Variants in RYR3 observed in about 807,000 individuals in gnomAD.
The protein encoded by RYR3 is brain ryanodine receptor-calcium release channel.
RYR3 carries 207 observed loss-of-function variants against 584.3 expected under a neutral mutation model. The observed-to-expected ratio is 0.35, with a 90% confidence interval of 0.32 to 0.40. The LOEUF is 0.40. RYR3 is among the 10% of genes least tolerant of loss of function. The probability of loss-of-function intolerance (pLI) is 1.00; values close to 1 mark genes in which losing one functional copy is unlikely to be tolerated. For missense variants in RYR3, 5,616 were observed against 6,089.2 expected (o/e 0.92, Z 2.59); for synonymous variants, 2,416 against 2,248.5 (o/e 1.07, Z -2.11).
intron 24 of RYR3, among the ~76,000 whole-genome samples, chr15:33,633,624 A>C (rs2061366971): frequency 6.6e-6 from 1 of 152,214 alleles, no homozygotes; most frequent in African/African-American, 2.4e-5. Flanking sequence ...TAGTTAATTC[A>C]TACCGGAGCC....
At chr15:33,687,933 A>C (rs1178555404) in intron 38 of RYR3, among the ~76,000 whole-genome samples, 1 of 152,216 alleles carries the variant, frequency 6.6e-6, no homozygotes, top group East Asian at 1.9e-4. Context: ...TAAAGACTTA[A>C]ATGTTAGACC....
chr15:33,570,207 C>T (rs145549164), intron 12 of RYR3, among the ~76,000 whole-genome samples: 5 of 152,166 alleles, frequency 3.3e-5, no homozygotes, highest in East Asian at 3.9e-4. Context: ...AAAATTTTAG[C>T]GTTTACATTT....
At chr15:33,660,019 C>T (rs773144998) in intron 33 of RYR3, among the ~76,000 whole-genome samples, 178 bp from the exon 34 acceptor site, 12 of 152,140 alleles carry the variant, frequency 7.9e-5, no homozygotes, top group Non-Finnish European at 1.8e-4. Flanking sequence ...CTGAAAGAAT[C>T]AATTAATGCT....
At chr15:33,756,535 T>G (rs2071851730) in intron 59 of RYR3, among the ~76,000 whole-genome samples, 162 bp downstream of exon 59, 1 of 148,900 alleles carries the variant, frequency 6.7e-6, no homozygotes, top group Non-Finnish European at 1.5e-5. Context: ...AGGCTGGCAG[T>G]CCAAGGAGGG....
intron 1 of RYR3, among the ~76,000 whole-genome samples, chr15:33,440,615 G>A (rs2046138949): frequency 6.6e-6 from 1 of 152,132 alleles, no homozygotes; most frequent in Non-Finnish European, 1.5e-5. Context: ...AATGTCAGTA[G>A]CGCTAACTTT....
intron 94 of RYR3, 92 bp from the exon 95 acceptor site, chr15:33,852,953 C>A: frequency 4.5e-6 from 5 of 1,106,276 alleles, no homozygotes; most frequent in African/African-American, 3.1e-5. Context: ...CCAGAAAGAT[C>A]CCAGATCCAG....
chr15:33,811,069 A>C, intron 72 of RYR3, 32 bp downstream of exon 72: 1 of 1,581,872 alleles, frequency 6.3e-7, no homozygotes, highest in Non-Finnish European at 8.6e-7. Context: ...GAGAACTCAC[A>C]CCGGCTTTCC....
At chr15:33,810,177 T>A (rs1225470617) in intron 70 of RYR3, among the ~76,000 whole-genome samples, 1 of 152,218 alleles carries the variant, frequency 6.6e-6, no homozygotes, top group Admixed American at 6.5e-5. Context: ...ATCATTCTTT[T>A]TGTAGAACAC....
At chr15:33,826,167 C>G (rs1560317) in intron 82 of RYR3, 85 bp from the exon 83 acceptor site, 74,043 of 1,336,276 alleles carry the variant, frequency 0.055, 2,265 homozygotes, top group Non-Finnish European at 0.06. Flanking sequence ...GATGTGTTCA[C>G]ATAGCCAGTT....
In RYR3 at chr15:33,603,136, A is replaced by G. The variant is rs1484335858; in HGVS notation, c.1936A>G (p.Ile646Val). 6.2e-7 allele frequency: 1 copy of G among 1,613,778 alleles called. No individual in the cohort carries two copies. Among genetic ancestry groups the G allele is most frequent in the South Asian group, 1.1e-5 (1 of 91,062 alleles). Reference sequence around the variant, plus strand: ...GTTTACTTTCAGTATCCGGCCAAACATCTTCCTGGGAGTCGCGGAGGGCTC... The same window carrying G: ...GTTTACTTTCAGTATCCGGCCAAACGTCTTCCTGGGAGTCGCGGAGGGCTC... The part of the protein sequence containing the change: ...INDVTSIRPN[I>V]FLGVAEGSAQ... Residue 646 changes from isoleucine to valine, a missense_variant, in exon 18 of 104, where the codon ATC (isoleucine) becomes GTC (valine). This residue lies in a region of RYR3 where 1,284 missense variants were observed against 1,344.6 expected (regional missense o/e 0.95). Transcript: ENST00000634891.
At chr15:33,620,367 A>G (rs935391124) in intron 19 of RYR3, among the ~76,000 whole-genome samples, 1 of 152,086 alleles carries the variant, frequency 6.6e-6, no homozygotes, top group Admixed American at 6.5e-5. Context: ...GTTCTCTCCA[A>G]AGGAATTCTT....
chr15:33,552,062 C>A (rs2056719922), intron 10 of RYR3, among the ~76,000 whole-genome samples: 1 of 152,178 alleles, frequency 6.6e-6, no homozygotes, highest in Non-Finnish European at 1.5e-5. Flanking sequence ...TTCTCCTTGA[C>A]CCACTCGGGA....
At chr15:33,828,004 A>G (rs1010153855) in intron 85 of RYR3, among the ~76,000 whole-genome samples, 1 of 152,222 alleles carries the variant, frequency 6.6e-6, no homozygotes, top group Non-Finnish European at 1.5e-5. Context: ...ACCCTGCATC[A>G]AGCAAGTCTA....
chr15:33,611,698 G>A (rs367964978), intron 18 of RYR3, among the ~76,000 whole-genome samples: 49 of 151,810 alleles, frequency 3.2e-4, no homozygotes, highest in African/African-American at 8.4e-4. Context: ...TCATTCTGTC[G>A]CCCAGGCTGG....
At chr15:33,664,587 GTGTATATATA>G (rs2063368995) in intron 36 of RYR3, among the ~76,000 whole-genome samples, 1 of 42,626 alleles carries the variant, frequency 2.3e-5, no homozygotes, top group African/African-American at 7.4e-5. Context: ...GTGTGTGTGT[GTGTATATATA>G]TATATATATA....
At chr15:33,683,902 C>T (rs1332949452) in intron 38 of RYR3, among the ~76,000 whole-genome samples, 5 of 152,212 alleles carry the variant, frequency 3.3e-5, no homozygotes, top group African/African-American at 1.2e-4. Flanking sequence ...AGTCTGAGAT[C>T]GAATTGCAAG....
chr15:33,543,720 G>T lies in RYR3; in HGVS notation c.740+5G>T. The T allele has an allele frequency of 6.4e-7, 1 of 1,565,462 alleles. No individual in the cohort carries two copies. The highest frequency in any genetic ancestry group is 1.4e-5 in the African/African-American group (1 of 74,036). On this transcript the variant is annotated splice_donor_5th_base_variant and intron_variant, in intron 8 of 103. Transcript: ENST00000634891. ...CCAGAATGATTCCCAGCACAGGTAAGTCAGTAGCTGCATTCTTCCACTAGC... is the reference window on the plus strand; with the variant it reads ...CCAGAATGATTCCCAGCACAGGTAATTCAGTAGCTGCATTCTTCCACTAGC...
intron 10 of RYR3, among the ~76,000 whole-genome samples, chr15:33,557,359 C>G (rs907696219): frequency 1.3e-5 from 2 of 152,178 alleles, no homozygotes; most frequent in Admixed American, 1.3e-4. Flanking sequence ...ACCGGGGCAA[C>G]TATTGGTTCT....
chr15:33,366,423 T>A (rs1305002333), intron 1 of RYR3, among the ~76,000 whole-genome samples: 1 of 152,118 alleles, frequency 6.6e-6, no homozygotes, highest in Non-Finnish European at 1.5e-5. Context: ...TAAAAAAAGA[T>A]CTGGATAGTT....
Sources: gnomAD v4.1 joint callset for allele counts (sites outside exome capture counted in the v4.1 genomes callset) on GRCh38, gnomAD v4.1.1 for gene constraint, gnomAD v4.1.1 regional missense constraint, MANE v1.5 for transcripts, NCBI Gene and HGNC (gene_info 2026-07-23, HGNC 2026-07-21) for gene names.